The following SRGAP1 variants were observed in gnomAD, a reference collection of about 807,000 sequenced individuals.
The protein encoded by SRGAP1 is SLIT-ROBO Rho GTPase-activating protein 1.
Under a neutral mutation model 121.9 loss-of-function variants are expected in SRGAP1, and 43 were observed. The ratio of observed to expected loss-of-function variants is 0.35; its 90% CI spans 0.28 to 0.46. The LOEUF (loss-of-function observed/expected upper bound fraction) is 0.46. SRGAP1 is among the 20% of genes least tolerant of loss of function. The probability of loss-of-function intolerance (pLI) is 1.00; values close to 1 mark genes in which losing one functional copy is unlikely to be tolerated. For synonymous variants in SRGAP1, 447 were observed against 485.4 expected, an observed-to-expected ratio of 0.92 and a Z score of 1.04; for missense variants, 1,102 against 1,350.9, an observed-to-expected ratio of 0.82 and a Z score of 2.89.
At chr12:63,937,006 A>C (rs2031684824) in intron 1 of SRGAP1, among the ~76,000 whole-genome samples, 1 of 152,172 alleles carries the variant, frequency 6.6e-6, no homozygotes, top group Non-Finnish European at 1.5e-5. Context: ...TTAATTCATC[A>C]GTTCTGGAGT....
intron 1 of SRGAP1, among the ~76,000 whole-genome samples, chr12:63,946,436 C>G (rs116471054): frequency 2.6e-5 from 4 of 152,070 alleles, no homozygotes; most frequent in African/African-American, 7.2e-5. Flanking sequence ...TAAATTTTAT[C>G]ATGCCCCTTT....
chr12:63,863,852 A>G (rs542254581), intron 1 of SRGAP1, among the ~76,000 whole-genome samples: 1 of 152,326 alleles, frequency 6.6e-6, no homozygotes, highest in South Asian at 2.1e-4. Context: ...CACATGGTGG[A>G]AGATTTATGG....
At chr12:64,111,710 TC>T in intron 16 of SRGAP1, 51 bp from the exon 17 acceptor site, 1 of 1,463,790 alleles carries the variant, frequency 6.8e-7, no homozygotes, top group Non-Finnish European at 9.3e-7. Context: ...AACATTTATA[TC>T]CTTTTTTTCT....
chr12:64,015,951 C>G (rs184088032), intron 3 of SRGAP1, among the ~76,000 whole-genome samples: 3 of 152,274 alleles, frequency 2.0e-5, no homozygotes, highest in Admixed American at 2.0e-4. Context: ...AAATAACTTA[C>G]AGCTTTTGTT....
intron 6 of SRGAP1, among the ~76,000 whole-genome samples, chr12:64,057,499 A>G (rs962924933): frequency 2.0e-5 from 3 of 152,272 alleles, no homozygotes; most frequent in East Asian, 3.9e-4. Flanking sequence ...TGCAGAAGAA[A>G]TCCACTTTCT....
At chr12:63,998,462 G>T (rs1037398750) in intron 3 of SRGAP1, among the ~76,000 whole-genome samples, 1 of 152,064 alleles carries the variant, frequency 6.6e-6, no homozygotes, top group East Asian at 1.9e-4. Flanking sequence ...CTCATCACTG[G>T]AGCATCTTCT....
rs1018905385 is a variant in SRGAP1 at position 64,148,405 on chromosome 12, C to CTAAG, written c.*5736_*5739dup. On this transcript the variant is annotated 3_prime_UTR_variant, in exon 22 of 22. Transcript: ENST00000355086. Reference sequence around the variant, plus strand: ...CAAGCGATTCTCCTGCCTCAGCCTCCTAAGTAGCTGTAATTACAGGCACCC... The same window carrying CTAAG: ...CAAGCGATTCTCCTGCCTCAGCCTCCTAAGTAAGTAGCTGTAATTACAGGCACCC... 2 of 151,534 alleles carry CTAAG rather than the reference C, an allele frequency of 1.3e-5. No individual in the cohort carries two copies. The highest frequency in any genetic ancestry group is 1.3e-4 in the Admixed American group (2 of 15,212). The allele number at this position is 151,534 out of a possible 1,614,324, so 9.4% of individuals were successfully genotyped here.
chr12:63,944,363 C>A (rs1039058405), intron 1 of SRGAP1, among the ~76,000 whole-genome samples: 1 of 152,152 alleles, frequency 6.6e-6, no homozygotes, highest in South Asian at 2.1e-4. Context: ...AAGGCAGATT[C>A]AATGTCTACT....
intron 1 of SRGAP1, among the ~76,000 whole-genome samples, chr12:63,917,536 G>A (rs2030841760): frequency 6.6e-6 from 1 of 151,924 alleles, no homozygotes; most frequent in Non-Finnish European, 1.5e-5. Flanking sequence ...TTTTTGGAAG[G>A]GACTGCATGG....
At chr12:64,035,762 G>A (rs2034890949) in intron 4 of SRGAP1, among the ~76,000 whole-genome samples, 1 of 152,090 alleles carries the variant, frequency 6.6e-6, no homozygotes, top group Non-Finnish European at 1.5e-5. Flanking sequence ...TAGCAAAAAG[G>A]CATCTGTTGG....
chr12:64,123,224 G>A (rs1474620026), intron 18 of SRGAP1, among the ~76,000 whole-genome samples: 3 of 152,204 alleles, frequency 2.0e-5, no homozygotes, highest in Admixed American at 6.5e-5. Flanking sequence ...TGCCACGTCT[G>A]TAGTCCTAGC....
chr12:63,860,954 G>C (rs1899424674), intron 1 of SRGAP1, among the ~76,000 whole-genome samples: 1 of 151,754 alleles, frequency 6.6e-6, no homozygotes, highest in South Asian at 2.1e-4. Context: ...TCTCACTTCA[G>C]CCTCTTGAGT....
intron 1 of SRGAP1, among the ~76,000 whole-genome samples, chr12:63,957,089 T>G (rs2032496455): frequency 6.6e-6 from 1 of 152,240 alleles, no homozygotes; most frequent in African/African-American, 2.4e-5. Flanking sequence ...GTGGTGTGGA[T>G]ACACACATTT....
intron 15 of SRGAP1, among the ~76,000 whole-genome samples, chr12:64,108,266 C>T (rs2036377462): frequency 6.6e-6 from 1 of 152,132 alleles, no homozygotes; most frequent in Admixed American, 6.6e-5. Flanking sequence ...TAACACTAGT[C>T]TCAGGTAATC....
intron 1 of SRGAP1, among the ~76,000 whole-genome samples, chr12:63,953,646 A>G (rs147530665): frequency 6.6e-6 from 1 of 151,688 alleles, no homozygotes; most frequent in African/African-American, 2.4e-5. Context: ...GTCTCAAATG[A>G]TCCTCCCGCC....
At chr12:64,062,301 C>T (rs180959656) in intron 6 of SRGAP1, among the ~76,000 whole-genome samples, 56 of 152,316 alleles carry the variant, frequency 3.7e-4, no homozygotes, top group African/African-American at 1.3e-3. Context: ...TGATATTAAG[C>T]ATCTCCTCAT....
At chr12:64,023,517 G>A (rs994636108) in intron 4 of SRGAP1, among the ~76,000 whole-genome samples, 1 of 152,136 alleles carries the variant, frequency 6.6e-6, no homozygotes, top group African/African-American at 2.4e-5. Flanking sequence ...AGGCTTTACA[G>A]CATTACACTC....
At chr12:64,016,815 C>G (rs2136465290) in intron 3 of SRGAP1, 135 bp from the exon 4 acceptor site, 2 of 536,880 alleles carry the variant, frequency 3.7e-6, no homozygotes, top group Non-Finnish European at 6.4e-6. Flanking sequence ...TTACAAAGGG[C>G]CATTCCGTTA....
chr12:63,998,029 G>A (rs1320137474), intron 3 of SRGAP1, among the ~76,000 whole-genome samples: 4 of 152,112 alleles, frequency 2.6e-5, no homozygotes, highest in Non-Finnish European at 4.4e-5. Context: ...CACACTCAGA[G>A]CAAAAGTCTA....
Sources: gnomAD v4.1 joint callset for allele counts (sites outside exome capture counted in the v4.1 genomes callset) on GRCh38, gnomAD v4.1.1 for gene constraint, MANE v1.5 for transcripts, NCBI Gene and HGNC (gene_info 2026-07-23, HGNC 2026-07-21) for gene names.